The following MYH3 variants were observed in gnomAD, a reference collection of about 807,000 sequenced individuals.
MYH3 encodes the protein myosin heavy chain 3.
Under a neutral mutation model 238.0 loss-of-function variants are expected in MYH3, and 130 were observed. That is an observed-to-expected ratio of 0.55 (90% CI 0.47 to 0.63). The LOEUF is 0.63. Among genes scored for constraint, MYH3 ranks in the 30% least tolerant of loss-of-function variants. The pLI is 0.00. For synonymous variants in MYH3, 880 were observed against 924.1 expected (o/e 0.95, Z 0.86); for missense variants, 1,853 against 2,374.9 (o/e 0.78, Z 4.57).
the MYH3 span, among the ~76,000 whole-genome samples, chr17:10,671,727 C>T: frequency 2.0e-5 from 3 of 151,536 alleles, no homozygotes; most frequent in South Asian, 2.1e-4. Context: ...CTATAGGCAC[C>T]GGCCACCACG....
chr17:10,641,000 TCTTTTCATACGA>T (rs1440180386), intron 19 of MYH3, 73 bp downstream of exon 19: 8 of 1,122,486 alleles, frequency 7.1e-6, no homozygotes, highest in Non-Finnish European at 1.1e-5. Context: ...TCGAAATAGG[TCTTTTCATACGA>T]ATCTTTCTCC....
the MYH3 span, chr17:10,675,525 T>C: frequency 6.6e-6 from 1 of 152,182 alleles, no homozygotes; most frequent in Non-Finnish European, 1.5e-5. Flanking sequence ...GTTTAATATG[T>C]TTTTATGTAT....
At chr17:10,650,970 C>T (rs934623724) in intron 5 of MYH3, among the ~76,000 whole-genome samples, 13 of 152,012 alleles carry the variant, frequency 8.6e-5, no homozygotes, top group Non-Finnish European at 5.9e-5. Context: ...AGGCAGATCA[C>T]GAGGTCAGGA....
At chr17:10,641,503 T>G in intron 17 of MYH3, 131 bp from the exon 18 acceptor site, 2 of 542,988 alleles carry the variant, frequency 3.7e-6, no homozygotes, top group South Asian at 4.2e-5. Flanking sequence ...ATGATTTAAC[T>G]CTGTCTTTTT....
Position 10,654,919 on chromosome 17 carries a change from T to C in MYH3, c.146A>G (p.Lys49Arg), listed in dbSNP as rs1042623176. ...FVVDSKEEYA[K>R]GKIKSSQDGK... The stretch of plus-strand genomic sequence containing the variant: ...ATCCTGAGAACTCTTGATTTTCCCC[T>C]TGGCATATTCTTCCTTTGAGTCCAC... Residue 49 changes from lysine (K) to arginine (R), a missense_variant, in exon 3 of 41, where the codon AAG becomes AGG. Coordinates refer to ENST00000583535, the MANE Select transcript of MYH3 (RefSeq NM_002470.4). This position sits in a 1 kb window ranked among gnomAD's most constrained non-coding sequence, Gnocchi z 4.5. The C allele has an allele frequency of 5.0e-6, 8 of 1,614,104 alleles. No individual in the cohort carries two copies. The African/African-American group carries it at 9.3e-5, about 19-fold the overall frequency.
chr17:10,670,270 C>T, the MYH3 span, among the ~76,000 whole-genome samples: 3 of 152,210 alleles, frequency 2.0e-5, no homozygotes, highest in Non-Finnish European at 4.4e-5. This position sits in a 1 kb window ranked among gnomAD's most constrained non-coding sequence, Gnocchi z 7.0. Context: ...TTACCCACAA[C>T]CCCTGCAGGC....
the MYH3 span, among the ~76,000 whole-genome samples, chr17:10,671,197 C>A: frequency 6.6e-6 from 1 of 152,148 alleles, no homozygotes. Flanking sequence ...CCGGCCTCTG[C>A]TGTATCTTAT....
rs1466371275 is a variant in MYH3 at position 10,628,642 on chromosome 17, G to A, written c.*11C>T. On this transcript the variant is annotated 3_prime_UTR_variant, in exon 41 of 41. Coordinates refer to ENST00000583535, the MANE Select transcript of MYH3 (RefSeq NM_002470.4). Reference sequence around the variant, plus strand: ...TTTGCATATCTTCTGTCCTGCTCCAGAAGGGCTGGCTCACTCTTCACTCTC... The same window carrying A: ...TTTGCATATCTTCTGTCCTGCTCCAAAAGGGCTGGCTCACTCTTCACTCTC... The A allele has an allele frequency of 6.2e-7, 1 of 1,614,148 alleles. No individual in the cohort carries two copies. Among genetic ancestry groups the A allele is most frequent in the Admixed American group, 1.7e-5 (1 of 60,030 alleles).
intron 17 of MYH3, 35 bp from the exon 18 acceptor site, chr17:10,641,407 C>T (rs757764825): frequency 1.4e-6 from 2 of 1,480,258 alleles, no homozygotes; most frequent in Admixed American, 3.4e-5. Context: ...TGCCATCCTA[C>T]TGTAGGTTTT....
chr17:10,661,467 G>A (rs564447590), upstream of MYH3, among the ~76,000 whole-genome samples: 2 of 152,038 alleles, frequency 1.3e-5, no homozygotes, highest in Admixed American at 6.6e-5. Context: ...TGGCTTTTGG[G>A]AACAGAAGGA....
chr17:10,674,590 GCTACAAA>G, the MYH3 span: 1 of 157,622 alleles, frequency 6.3e-6, no homozygotes, highest in Non-Finnish European at 1.4e-5. Flanking sequence ...TATTAGCTTT[GCTACAAA>G]CTTGTAGATA....
At position 10,648,531 on chromosome 17, in the gene MYH3, TC is replaced by T; in HGVS notation, c.735+25del. Reference sequence around the variant, plus strand: ...CTATTTTGTGAGGCACAAAGCAAATTCCATCTTAACCAAACTCAGACTCACA... The same window carrying T: ...CTATTTTGTGAGGCACAAAGCAAATTCATCTTAACCAAACTCAGACTCACA... On this transcript the variant is annotated intron_variant, in intron 8 of 40. Transcript: ENST00000583535. 18 of 1,597,662 alleles carry T rather than the reference TC, an allele frequency of 1.1e-5. 1 individual carries two copies. Among genetic ancestry groups the T allele is most frequent in the African/African-American group, 1.1e-4 (8 of 74,640 alleles).
At position 10,639,312 on chromosome 17, in the gene MYH3, G is replaced by A; in HGVS notation, c.3088C>T (p.Gln1030Ter). ...TATTTACTTACGTCTTCCACTTGCTGTTCCAGTTTGCTCTTGGTTTTGTTC... is the reference window on the plus strand; with the variant it reads ...TATTTACTTACGTCTTCCACTTGCTATTCCAGTTTGCTCTTGGTTTTGTTC... ...SLNKTKSKLE[Q>*]QVEDLESSLE... Residue 1030 changes from glutamine (Q) to a stop codon, truncating the protein, a stop_gained, in exon 24 of 41, where the codon CAG (glutamine) becomes TAG (stop). Transcript: ENST00000583535. LOFTEE classifies it high-confidence loss of function. The A allele has an allele frequency of 1.2e-6, 2 of 1,614,146 alleles. No individual in the cohort carries two copies. The highest frequency in any genetic ancestry group is 1.3e-5 in the African/African-American group (1 of 75,020).
chr17:10,631,907 A>G lies in MYH3; in HGVS notation c.5066T>C (p.Leu1689Pro), dbSNP rs2074163445. 2.5e-6 allele frequency: 4 copies of G among 1,614,010 alleles called. No homozygotes were observed. The highest frequency in any genetic ancestry group is 2.5e-6 in the Non-Finnish European group (3 of 1,180,002). ...CTCCGTCTGCTCCAGAGTAGCCCGC[A>G]GCTCCTCCACCTCGGCCTGCAGCAG... ...ANLLQAEVEE[L>P]RATLEQTERA... Residue 1689 changes from leucine to proline, a missense_variant, in exon 35 of 41, where the codon CTG (leucine) becomes CCG (proline). Physicochemically the swap from Leu to Pro is moderately conservative, Grantham distance 98 (BLOSUM62 -3). This residue lies in a region of MYH3 where 1,044 missense variants were observed against 1,192.6 expected (regional missense o/e 0.88). Transcript: ENST00000583535.
intron 8 of MYH3, among the ~76,000 whole-genome samples, chr17:10,647,789 C>T (rs1178021129): frequency 6.6e-6 from 1 of 152,286 alleles, no homozygotes; most frequent in Non-Finnish European, 1.5e-5. Flanking sequence ...GTGATCCGCC[C>T]GCCTCGGCCT....
the MYH3 span, among the ~76,000 whole-genome samples, chr17:10,663,035 C>T: frequency 4.6e-5 from 7 of 151,788 alleles, no homozygotes; most frequent in East Asian, 1.9e-4. Context: ...TGCAGTGAGC[C>T]GAGATTACAC....
At chr17:10,663,898 A>G in the MYH3 span, among the ~76,000 whole-genome samples, 1 of 151,920 alleles carries the variant, frequency 6.6e-6, no homozygotes, top group Non-Finnish European at 1.5e-5. Flanking sequence ...TGCCGTCTTT[A>G]CTAAAAATAC....
In MYH3 at chr17:10,651,651, G is replaced by A. The variant is rs761058248; in HGVS notation, c.366C>T (p.Phe122=). Residue 122 remains phenylalanine (F), a synonymous_variant, in exon 5 of 41, where the codon TTC becomes TTT. Transcript: ENST00000583535. The part of the protein sequence containing the change: ...SWMIYTYSGL[F]CVTVNPYKWL... ...ACTTGTAGGGGTTGACAGTGACACA[G>A]AAGAGGCCTGAGTAGGTCTGTGGGA... is the stretch of plus-strand genomic sequence containing the variant. 1.4e-5 allele frequency: 23 copies of A among 1,613,978 alleles called. No individual in the cohort carries two copies. Among genetic ancestry groups the A allele is most frequent in the Non-Finnish European group, 1.9e-5 (22 of 1,180,006 alleles).
chr17:10,666,596 A>G, the MYH3 span, among the ~76,000 whole-genome samples: 2 of 151,240 alleles, frequency 1.3e-5, no homozygotes, highest in African/African-American at 4.9e-5. Flanking sequence ...AAAAAAAAAA[A>G]ACTTAAAAAA....
Sources: allele counts gnomAD v4.1 joint callset (sites outside exome capture counted in the v4.1 genomes callset), GRCh38; gene constraint gnomAD v4.1.1; regional missense constraint gnomAD v4.1.1; non-coding constraint Gnocchi (gnomAD v3.1); transcripts MANE v1.5; gene names NCBI Gene and HGNC (gene_info 2026-07-23, HGNC 2026-07-21).